FBXL17: variants seen among roughly 807,000 people sequenced by gnomAD.
The protein encoded by FBXL17 is F-box/LRR-repeat protein 17.
In FBXL17, 22 loss-of-function variants were observed where a neutral mutation model predicts 66.2. The observed-to-expected ratio is 0.33, with a 90% CI of 0.24 to 0.47. FBXL17 has a LOEUF of 0.47. Among genes scored for constraint, FBXL17 ranks in the 20% least tolerant of loss-of-function variants. The pLI, the probability that FBXL17 is intolerant of heterozygous loss-of-function variation, is 1.00. For synonymous variants in FBXL17, 474 were observed against 400.5 expected, an observed-to-expected ratio of 1.18 and a Z score of -2.19; for missense variants, 878 against 948.2, an observed-to-expected ratio of 0.93 and a Z score of 0.97.
chr5:107,945,999 T>C (rs1751266646), intron 7 of FBXL17, among the ~76,000 whole-genome samples: 1 of 151,758 alleles, frequency 6.6e-6, no homozygotes. Context: ...TGCATTGAAA[T>C]AGAGATTTTA....
At chr5:108,225,030 T>C (rs1381524055) in intron 4 of FBXL17, among the ~76,000 whole-genome samples, 2 of 152,128 alleles carry the variant, frequency 1.3e-5, no homozygotes, top group Non-Finnish European at 2.9e-5. Context: ...ATTACCGATA[T>C]CTAATTCCAG....
At position 107,981,705 on chromosome 5, in the gene FBXL17, C is replaced by T. The variant is rs554843238; in HGVS notation, c.1822+39220G>A. ...AATCTAACAAATTATGGCACCAGGGCAGGGAACATTATAGAAAAAAAACAT... is the reference window on the plus strand; with the variant it reads ...AATCTAACAAATTATGGCACCAGGGTAGGGAACATTATAGAAAAAAAACAT... On this transcript the variant is annotated intron_variant, in intron 7 of 8. Coordinates refer to ENST00000542267, the MANE Select transcript of FBXL17 (RefSeq NM_001163315.3). 3.9e-5 allele frequency among the ~76,000 whole-genome samples: 6 copies of T among 151,956 alleles called. No homozygotes were observed. In the South Asian group the frequency reaches 1.2e-3, roughly 32 times the overall value.
intron 7 of FBXL17, among the ~76,000 whole-genome samples, chr5:107,953,230 G>A (rs62361131): frequency 0.25 from 37,188 of 151,586 alleles, 4,998 homozygotes; most frequent in Middle Eastern, 0.33. Context: ...GTGAAACCCC[G>A]TCTCTACTAA....
At chr5:107,924,317 T>A (rs929458551) in intron 7 of FBXL17, among the ~76,000 whole-genome samples, 2 of 152,162 alleles carry the variant, frequency 1.3e-5, no homozygotes, top group Non-Finnish European at 2.9e-5. Context: ...TTAGGTTCCA[T>A]TAAAAATTAA....
chr5:108,258,524 CTAGAAG>C (rs1392303971), intron 4 of FBXL17, among the ~76,000 whole-genome samples: 1 of 151,990 alleles, frequency 6.6e-6, no homozygotes, highest in South Asian at 2.1e-4. Context: ...TGTGAGATTC[CTAGAAG>C]TAGAATAGGT....
chr5:107,961,136 G>C (rs1751886265), intron 7 of FBXL17, among the ~76,000 whole-genome samples: 1 of 152,106 alleles, frequency 6.6e-6, no homozygotes, highest in Non-Finnish European at 1.5e-5. Context: ...CATGCAAGAA[G>C]CACAGACATG....
chr5:108,279,808 C>A (rs1757630851), intron 4 of FBXL17, among the ~76,000 whole-genome samples: 1 of 150,416 alleles, frequency 6.6e-6, no homozygotes, highest in African/African-American at 2.4e-5. Flanking sequence ...CTAAGGAATT[C>A]AATGAAGGAA....
intron 7 of FBXL17, among the ~76,000 whole-genome samples, chr5:107,996,791 A>G (rs2112705893): frequency 1.3e-5 from 2 of 152,316 alleles, no homozygotes; most frequent in Middle Eastern, 6.8e-3. Flanking sequence ...ATTAAGACAC[A>G]AGGTTGGGTT....
chr5:108,309,844 T>C (rs964582756), intron 4 of FBXL17, among the ~76,000 whole-genome samples: 3 of 152,080 alleles, frequency 2.0e-5, no homozygotes, highest in African/African-American at 7.2e-5. Context: ...GTACTGATTT[T>C]GTAATTCGAA....
In FBXL17 at chr5:108,185,995, A is replaced by G. The variant is rs190822157; in HGVS notation, c.1745+122T>C. On this transcript the variant is annotated intron_variant, in intron 6 of 8. Coordinates refer to ENST00000542267, the MANE Select transcript of FBXL17 (RefSeq NM_001163315.3). ...TCTAGATGGTTTTCAAAACTTAAAC[A>G]TAACAATTTGAAAAGGCACAGCTGT... is the stretch of plus-strand genomic sequence containing the variant. 3.8e-4 allele frequency: 287 copies of G among 752,818 alleles called. 1 individual carries two copies. The highest frequency in any genetic ancestry group is 5.3e-4 in the Non-Finnish European group (255 of 483,924). 46.6% of individuals were successfully genotyped at this position (752,818 alleles called of 1,614,324 possible).
intron 4 of FBXL17, among the ~76,000 whole-genome samples, chr5:108,290,913 T>A (rs1159378647): frequency 6.6e-6 from 1 of 152,152 alleles, no homozygotes; most frequent in Non-Finnish European, 1.5e-5. Context: ...CATGTTGATA[T>A]ACATCACAAT....
chr5:108,363,079 G>C lies in FBXL17; in HGVS notation c.1374+1659C>G, dbSNP rs139409296. Among the ~76,000 whole-genome samples, 1,045 of 151,964 alleles carry C rather than the reference G, an allele frequency of 6.9e-3. 11 individuals are homozygous for C. Among genetic ancestry groups the C allele is most frequent in the African/African-American group, 0.024 (1,002 of 41,488 alleles). ...CTATTATACATTTTAACATAGCACTGTCAGTTTACTAAAACCATAATATAA... is the reference window on the plus strand; with the variant it reads ...CTATTATACATTTTAACATAGCACTCTCAGTTTACTAAAACCATAATATAA... On this transcript the variant is annotated intron_variant, in intron 3 of 8. Transcript: ENST00000542267.
intron 7 of FBXL17, among the ~76,000 whole-genome samples, chr5:107,945,189 T>C (rs1400754798): frequency 6.6e-6 from 1 of 152,036 alleles, no homozygotes; most frequent in Non-Finnish European, 1.5e-5. Flanking sequence ...ATCAAGTAAA[T>C]ATAAATTTAA....
chr5:107,960,529 T>C (rs766559517), intron 7 of FBXL17, among the ~76,000 whole-genome samples: 5 of 152,032 alleles, frequency 3.3e-5, no homozygotes, highest in Non-Finnish European at 7.4e-5. Context: ...ATTTCTACTT[T>C]AGATTTCAAC....
chr5:107,992,574 G>T (rs975132620), intron 7 of FBXL17, among the ~76,000 whole-genome samples: 1 of 152,112 alleles, frequency 6.6e-6, no homozygotes, highest in Admixed American at 6.5e-5. Flanking sequence ...TGCCACTTGT[G>T]TCACTGAAAC....
intron 7 of FBXL17, among the ~76,000 whole-genome samples, chr5:107,934,359 T>C (rs983185853): frequency 2.0e-5 from 3 of 152,152 alleles, no homozygotes; most frequent in Non-Finnish European, 4.4e-5. Context: ...ATACGACTGA[T>C]CTTTTTCTTG....
chr5:108,171,326 C>T (rs1408136066), intron 6 of FBXL17, among the ~76,000 whole-genome samples: 3 of 152,132 alleles, frequency 2.0e-5, no homozygotes, highest in Non-Finnish European at 4.4e-5. Flanking sequence ...GTGTTGGAGG[C>T]AGTTTAACAG....
intron 4 of FBXL17, among the ~76,000 whole-genome samples, chr5:108,342,512 C>G (rs957763062): frequency 6.6e-6 from 1 of 152,086 alleles, no homozygotes; most frequent in Non-Finnish European, 1.5e-5. Flanking sequence ...CAGCACTGGT[C>G]CATAAGTGTT....
chr5:108,195,184 C>A (rs897136337), intron 5 of FBXL17, among the ~76,000 whole-genome samples: 3 of 151,702 alleles, frequency 2.0e-5, no homozygotes, highest in African/African-American at 7.3e-5. Context: ...AATAAATAAA[C>A]AAATATGTTA....
Sources: gnomAD v4.1 joint callset for allele counts (sites outside exome capture counted in the v4.1 genomes callset) on GRCh38, gnomAD v4.1.1 for gene constraint, MANE v1.5 for transcripts, NCBI Gene and HGNC (gene_info 2026-07-23, HGNC 2026-07-21) for gene names.